Variants in DNPEP observed in about 807,000 individuals in gnomAD.
The protein encoded by DNPEP is aspartyl aminopeptidase.
Under a neutral mutation model 59.1 loss-of-function variants are expected in DNPEP, and 46 were observed. That is an observed-to-expected ratio of 0.78 (90% CI 0.61 to 0.99). The LOEUF (loss-of-function observed/expected upper bound fraction) is 0.99, where lower values mean the gene tolerates loss of function less well. DNPEP is among the 50% of genes least tolerant of loss of function. The pLI is 0.00. For synonymous variants in DNPEP, 229 were observed against 242.2 expected, an observed-to-expected ratio of 0.95 and a Z score of 0.50; for missense variants, 617 against 649.9, an observed-to-expected ratio of 0.95 and a Z score of 0.55.
upstream of DNPEP, among the ~76,000 whole-genome samples, chr2:219,389,939 AGT>A (rs1953988965): frequency 6.6e-6 from 1 of 152,214 alleles, no homozygotes; most frequent in Non-Finnish European, 1.5e-5. Flanking sequence ...CAAGGAGGAC[AGT>A]GAAAGGGCCG....
At chr2:219,399,780 C>T (rs1035854950) in intron 1 of DNPEP, 1 of 1,131,210 alleles carries the variant, frequency 8.8e-7, no homozygotes, top group African/African-American at 1.5e-5. Context: ...CCCATAATGC[C>T]TAAGCCAGTG....
At chr2:219,390,872 T>C (rs983495057), upstream of DNPEP, among the ~76,000 whole-genome samples, 1 of 152,202 alleles carries the variant, frequency 6.6e-6, no homozygotes, top group African/African-American at 2.4e-5. Context: ...ATACTTTTTC[T>C]TTTTATTGAG....
chr2:219,372,426 C>T lies in DNPEP; in HGVS notation c.*1866G>A, dbSNP rs937370174. ...TGTCGCCCAGGCTGGAGTGCAGTGG[C>T]TCAATCTTGGCTCACTGCAGCCTCT... is the stretch of plus-strand genomic sequence containing the variant. On this transcript the variant is annotated 3_prime_UTR_variant, in exon 15 of 15. Coordinates refer to ENST00000273075, the MANE Select transcript of DNPEP (RefSeq NM_012100.4). Among the ~76,000 whole-genome samples the T allele has an allele frequency of 2.0e-5, 3 of 151,992 alleles. No homozygotes were observed. The highest frequency in any genetic ancestry group is 1.9e-4 in the East Asian group (1 of 5,194).
At position 219,374,904 on chromosome 2, in the gene DNPEP, C is replaced by T. The variant is rs758213714; in HGVS notation, c.1358G>A (p.Arg453Gln). The change falls in exon 14 of 15, where the codon CGG becomes CAG. Residue 453 changes from arginine (R) to glutamine (Q), a missense_variant. By Grantham distance (43) the Arg-to-Gln change is conservative. Transcript: ENST00000273075. ...GACTCCTGTGGTGCAGGCCATCTCC[C>T]GGATAGAGTGCATGGCCAGTTGGGG... is the stretch of plus-strand genomic sequence containing the variant. ...GSPQLAMHSI[R>Q]EMACTTGVLQ... 1.9e-5 allele frequency: 30 copies of T among 1,614,004 alleles called. No homozygotes were observed. Among genetic ancestry groups the T allele is most frequent in the Middle Eastern group, 1.6e-4 (1 of 6,084 alleles).
chr2:219,388,349 C>A, upstream of DNPEP: 1 of 146,686 alleles, frequency 6.8e-6, no homozygotes, highest in Non-Finnish European at 1.5e-5. Flanking sequence ...CGCTCCCCGC[C>A]CCTTGTCAGG....
intron 13 of DNPEP, among the ~76,000 whole-genome samples, chr2:219,379,866 C>T (rs188703462): frequency 0.027 from 4,092 of 151,570 alleles, 204 homozygotes; most frequent in African/African-American, 0.094. Context: ...TGCAGTGAGC[C>T]GAGATCGTGC....
chr2:219,385,819 C>A, intron 6 of DNPEP, 113 bp from the exon 7 acceptor site: 1 of 1,425,072 alleles, frequency 7.0e-7, no homozygotes, highest in Non-Finnish European at 9.5e-7. Context: ...CAATTCCCAG[C>A]CCACTCCCCA....
chr2:219,375,459 T>A (rs1032486398), intron 13 of DNPEP, among the ~76,000 whole-genome samples: 4 of 152,168 alleles, frequency 2.6e-5, no homozygotes, highest in Admixed American at 2.0e-4. Flanking sequence ...GAAAACAGAA[T>A]TACAAAATCA....
intron 1 of DNPEP, chr2:219,399,510 A>G: frequency 2.1e-6 from 1 of 487,050 alleles, no homozygotes; most frequent in South Asian, 1.5e-5. Flanking sequence ...GCTGCAAGTA[A>G]TTTTGCCATC....
chr2:219,399,196 T>A (rs1381552820), intron 1 of DNPEP, among the ~76,000 whole-genome samples: 1 of 152,206 alleles, frequency 6.6e-6, no homozygotes, highest in East Asian at 1.9e-4. Context: ...GATAGGCAAT[T>A]CTGTTCTCAG....
At chr2:219,393,871 C>G (rs1472736185), upstream of DNPEP, 1 of 152,216 alleles carries the variant, frequency 6.6e-6, no homozygotes, top group African/African-American at 2.4e-5. Flanking sequence ...ACCATCTGTG[C>G]TCCTATCCAA....
chr2:219,386,734 T>A lies in DNPEP; in HGVS notation c.264A>T (p.Val88=), dbSNP rs1953857413. ...CATTGCCAGGAACGTACTGGCCCCCTACAGCAAAAGCTATGATGGTGGAGG... is the reference window on the plus strand; with the variant it reads ...CATTGCCAGGAACGTACTGGCCCCCAACAGCAAAAGCTATGATGGTGGAGG... ...RNSSTIIAFA[V]GGQYVPGNGF... Residue 88 remains valine, a synonymous_variant, in exon 4 of 15, where the codon GTA becomes GTT. Coordinates refer to ENST00000273075, the MANE Select transcript of DNPEP (RefSeq NM_012100.4). The A allele has an allele frequency of 6.2e-7, 1 of 1,612,944 alleles. No homozygotes were observed. The highest frequency in any genetic ancestry group is 1.7e-5 in the Admixed American group (1 of 59,882).
chr2:219,395,599 T>C (rs1388622597), intron 1 of DNPEP, among the ~76,000 whole-genome samples: 1 of 152,266 alleles, frequency 6.6e-6, no homozygotes, highest in Non-Finnish European at 1.5e-5. Context: ...GCATCTGCCA[T>C]ACATTCAGTA....
intron 13 of DNPEP, among the ~76,000 whole-genome samples, chr2:219,376,715 G>A (rs1021477753): frequency 6.6e-6 from 1 of 152,106 alleles, no homozygotes; most frequent in South Asian, 2.1e-4. Context: ...CAGGGGAAGC[G>A]GGCATTTTTC....
Position 219,387,098 on chromosome 2 carries a change from G to C in DNPEP, c.102C>G (p.Phe34Leu). 2 of 1,590,690 alleles carry C rather than the reference G, an allele frequency of 1.3e-6. No homozygotes were observed. The highest frequency in any genetic ancestry group is 2.3e-5 in the South Asian group (2 of 88,658). The stretch of plus-strand genomic sequence containing the variant: ...GGAAAGGAGAGGGACTCCGGTTCAC[G>C]AACTTGAGGAGTTCCTTAGCCGCAG... The part of the protein sequence containing the change: ...VQTAAKELLK[F>L]VNRSPSPFHA... The change falls in exon 2 of 15, where the codon TTC becomes TTG. Residue 34 changes from phenylalanine to leucine, a missense_variant. By Grantham distance (22) the Phe-to-Leu change is conservative. Transcript: ENST00000273075.
intron 1 of DNPEP, among the ~76,000 whole-genome samples, chr2:219,395,191 G>T (rs1389644116): frequency 6.6e-6 from 1 of 152,104 alleles, no homozygotes; most frequent in Non-Finnish European, 1.5e-5. Context: ...CAAGCAATCT[G>T]CCCTCCTCAG....
chr2:219,374,043 A>G lies in DNPEP; in HGVS notation c.*249T>C. 4.1e-6 allele frequency: 2 copies of G among 484,008 alleles called. No individual in the cohort carries two copies. Among genetic ancestry groups the G allele is most frequent in the South Asian group, 3.7e-5 (1 of 27,142 alleles). 30.0% of individuals were successfully genotyped at this position (484,008 alleles called of 1,614,324 possible). ...TTCACCCACTTCAGACATGGACTTG[A>G]GACAGAGAAGAGATTTAAAACCAGA... On this transcript the variant is annotated 3_prime_UTR_variant, in exon 15 of 15. Coordinates refer to ENST00000273075, the MANE Select transcript of DNPEP (RefSeq NM_012100.4).
chr2:219,386,620 C>T (rs1204513607), intron 4 of DNPEP, 45 bp downstream of exon 4: 1 of 1,557,442 alleles, frequency 6.4e-7, no homozygotes, highest in Admixed American at 1.9e-5. Context: ...GCCCTGTACT[C>T]CCTCTGACAT....
At chr2:219,380,501 T>C (rs918624233) in intron 13 of DNPEP, among the ~76,000 whole-genome samples, 5 of 152,132 alleles carry the variant, frequency 3.3e-5, no homozygotes, top group African/African-American at 1.2e-4. Flanking sequence ...GGATTACAGG[T>C]GTGAGCCAAC....
Sources: allele counts gnomAD v4.1 joint callset (sites outside exome capture counted in the v4.1 genomes callset), GRCh38; gene constraint gnomAD v4.1.1; transcripts MANE v1.5; gene names NCBI Gene and HGNC (gene_info 2026-07-23, HGNC 2026-07-21).